Variants in TECRL observed in about 807,000 individuals in gnomAD.
TECRL encodes the protein trans-2,3-enoyl-CoA reductase like.
TECRL carries 63 observed loss-of-function variants against 52.8 expected under a neutral mutation model. The ratio of observed to expected loss-of-function variants is 1.19; its 90% CI spans 0.97 to 1.47. The LOEUF (loss-of-function observed/expected upper bound fraction) is 1.47. TECRL is among the 40% of genes most tolerant of loss of function. The pLI, the probability that TECRL is intolerant of heterozygous loss-of-function variation, is 0.00. For missense variants in TECRL, 482 were observed against 429.6 expected (o/e 1.12, Z -1.08); for synonymous variants, 164 against 141.9 (o/e 1.16, Z -1.10).
chr4:64,369,020 T>C (rs781383759), intron 2 of TECRL, among the ~76,000 whole-genome samples: 5 of 152,210 alleles, frequency 3.3e-5, no homozygotes, highest in South Asian at 2.1e-4. Flanking sequence ...CCTTGCTTTG[T>C]TCCCCATGGT....
intron 2 of TECRL, among the ~76,000 whole-genome samples, chr4:64,347,599 C>A (rs1720079180): frequency 6.6e-6 from 1 of 152,124 alleles, no homozygotes; most frequent in Non-Finnish European, 1.5e-5. Flanking sequence ...AAGCAGGCAC[C>A]TTCTTCACAA....
chr4:64,327,078 A>G (rs149485840), intron 3 of TECRL, among the ~76,000 whole-genome samples: 148 of 152,230 alleles, frequency 9.7e-4, no homozygotes, highest in African/African-American at 3.5e-3. Flanking sequence ...GTTCTGCCAT[A>G]TAAAAGAAGA....
intron 1 of TECRL, among the ~76,000 whole-genome samples, chr4:64,375,500 T>C (rs1722336493): frequency 6.6e-6 from 1 of 151,986 alleles, no homozygotes; most frequent in African/African-American, 2.4e-5. Flanking sequence ...GAATTTTCTT[T>C]GTCCAAAATA....
chr4:64,331,511 G>A (rs1718636970), intron 2 of TECRL, among the ~76,000 whole-genome samples: 1 of 152,036 alleles, frequency 6.6e-6, no homozygotes, highest in South Asian at 2.1e-4. Flanking sequence ...CCATCAGACA[G>A]TGTCCAGGGA....
At chr4:64,342,398 TAGA>T (rs1719643664) in intron 2 of TECRL, among the ~76,000 whole-genome samples, 1 of 151,498 alleles carries the variant, frequency 6.6e-6, no homozygotes, top group African/African-American at 2.4e-5. Flanking sequence ...TGGCCTTTTT[TAGA>T]AGAAGACTTG....
intron 1 of TECRL, among the ~76,000 whole-genome samples, chr4:64,386,877 A>T (rs1723208410): frequency 6.6e-6 from 1 of 152,104 alleles, no homozygotes; most frequent in Non-Finnish European, 1.5e-5. Context: ...CCCTATTATC[A>T]ACATCTCTCA....
intron 2 of TECRL, among the ~76,000 whole-genome samples, chr4:64,333,949 G>A (rs866896715): frequency 7.2e-5 from 9 of 125,778 alleles, no homozygotes; most frequent in African/African-American, 2.0e-4. Context: ...GCGTGAACCC[G>A]GGAGGCGGAG....
intron 10 of TECRL, 60 bp downstream of exon 10, chr4:64,281,414 G>C: frequency 2.0e-6 from 2 of 981,022 alleles, no homozygotes; most frequent in Non-Finnish European, 3.1e-6. Flanking sequence ...AAATACATAA[G>C]CACATGCATT....
rs552987781 is a variant in TECRL at position 64,279,836 on chromosome 4, C to T, written c.*236G>A. On this transcript the variant is annotated 3_prime_UTR_variant, in exon 12 of 12. Coordinates refer to ENST00000381210, the MANE Select transcript of TECRL (RefSeq NM_001010874.5). Reference sequence around the variant, plus strand: ...GAAGTAAGACAATTTTATTCAAGGACCAATCCCATGCAAATACATTCAGAG... The same window carrying T: ...GAAGTAAGACAATTTTATTCAAGGATCAATCCCATGCAAATACATTCAGAG... The T allele has an allele frequency of 7.6e-6, 8 of 1,049,526 alleles. No homozygotes were observed. The highest frequency in any genetic ancestry group is 4.0e-5 in the South Asian group (1 of 24,942). 65.0% of individuals were successfully genotyped at this position (1,049,526 alleles called of 1,614,324 possible).
In TECRL at chr4:64,365,176, G is replaced by C. The variant is rs188590037; in HGVS notation, c.286+9996C>G. On this transcript the variant is annotated intron_variant, in intron 2 of 11. Coordinates refer to ENST00000381210, the MANE Select transcript of TECRL (RefSeq NM_001010874.5). ...ATGATCATCTCAATAGATGCAAAAA[G>C]GCTTTTCGTTAAATTCAGTATTGCT... Among the ~76,000 whole-genome samples, 3 of 149,082 alleles carry C rather than the reference G, an allele frequency of 2.0e-5. No homozygotes were observed. The Admixed American group carries it at 2.0e-4, about 10-fold the overall frequency.
intron 2 of TECRL, among the ~76,000 whole-genome samples, chr4:64,364,419 C>G (rs1217070663): frequency 6.6e-6 from 1 of 151,638 alleles, no homozygotes; most frequent in Non-Finnish European, 1.5e-5. Context: ...CACAGCTGAA[C>G]CGAATGAAAT....
At chr4:64,370,964 C>T (rs1484568498) in intron 2 of TECRL, among the ~76,000 whole-genome samples, 3 of 151,650 alleles carry the variant, frequency 2.0e-5, no homozygotes, top group Non-Finnish European at 4.4e-5. Context: ...GCATGATTTG[C>T]TGCTGCATGA....
intron 8 of TECRL, among the ~76,000 whole-genome samples, chr4:64,291,925 T>G (rs1359780355): frequency 6.6e-6 from 1 of 152,014 alleles, no homozygotes; most frequent in Non-Finnish European, 1.5e-5. Flanking sequence ...ACTATATCTC[T>G]ATGCTTAGAG....
At chr4:64,408,773 C>T (rs1033433177) in intron 1 of TECRL, among the ~76,000 whole-genome samples, 2 of 151,918 alleles carry the variant, frequency 1.3e-5, no homozygotes, top group Non-Finnish European at 2.9e-5. Context: ...ATGAAGTACA[C>T]GAAGACAAAA....
At chr4:64,329,690 C>T (rs190775657) in intron 2 of TECRL, among the ~76,000 whole-genome samples, 148 of 151,704 alleles carry the variant, frequency 9.8e-4, no homozygotes, top group Non-Finnish European at 1.7e-3. Context: ...TAATTAGCTC[C>T]GTGACTTTCT....
chr4:64,315,462 A>G (rs1160914330), intron 4 of TECRL, among the ~76,000 whole-genome samples: 1 of 152,150 alleles, frequency 6.6e-6, no homozygotes, highest in African/African-American at 2.4e-5. Flanking sequence ...TTGATTTTTT[A>G]GTGCTAAAAT....
rs188793882 is a variant in TECRL, at chr4:64,308,619, T to A, written c.657+1207A>T. Among the ~76,000 whole-genome samples the A allele has an allele frequency of 4.6e-5, 7 of 152,298 alleles. No homozygotes were observed. In the East Asian group the frequency reaches 1.4e-3, roughly 29 times the overall value. On this transcript the variant is annotated intron_variant, in intron 6 of 11. Coordinates refer to ENST00000381210, the MANE Select transcript of TECRL (RefSeq NM_001010874.5). ...ACCCTCTAGCTGCTGAGAGCTTTTA[T>A]GTTGTTTAATAAATCCTACTCTGCC...
At chr4:64,379,386 A>C (rs887137473) in intron 1 of TECRL, among the ~76,000 whole-genome samples, 2 of 152,104 alleles carry the variant, frequency 1.3e-5, no homozygotes, top group African/African-American at 4.8e-5. Context: ...TACGGGGTGC[A>C]TGTGCTATAT....
chr4:64,292,151 G>C (rs1167872092), intron 8 of TECRL, among the ~76,000 whole-genome samples: 1 of 151,930 alleles, frequency 6.6e-6, no homozygotes, highest in Non-Finnish European at 1.5e-5. Context: ...TCAATGCATT[G>C]TTCTATTACT....
Sources: gnomAD v4.1 joint callset for allele counts (sites outside exome capture counted in the v4.1 genomes callset) on GRCh38, gnomAD v4.1.1 for gene constraint, MANE v1.5 for transcripts, NCBI Gene and HGNC (gene_info 2026-07-23, HGNC 2026-07-21) for gene names.